The following ATXN7L1 variants were observed in gnomAD, a reference collection of about 807,000 sequenced individuals.
ATXN7L1 encodes the protein ataxin 7 like 1, also known as ataxin-7-like protein 1.
ATXN7L1 carries 15 observed loss-of-function variants against 70.8 expected under a neutral mutation model. That is an observed-to-expected ratio of 0.21 (90% CI 0.14 to 0.33). The LOEUF (loss-of-function observed/expected upper bound fraction) is 0.33. ATXN7L1 is among the 10% of genes least tolerant of loss of function. The pLI, the probability that ATXN7L1 is intolerant of heterozygous loss-of-function variation, is 1.00. For missense variants in ATXN7L1, 975 were observed against 1,097.1 expected (o/e 0.89, Z 1.57); for synonymous variants, 440 against 445.1 (o/e 0.99, Z 0.14).
intron 7 of ATXN7L1, among the ~76,000 whole-genome samples, chr7:105,625,076 C>T (rs1245834448): frequency 1.3e-5 from 2 of 152,116 alleles, no homozygotes; most frequent in African/African-American, 2.4e-5. Flanking sequence ...CCTATGCATA[C>T]GTTCTTTGAT....
intron 3 of ATXN7L1, among the ~76,000 whole-genome samples, chr7:105,672,323 C>G (rs539039413): frequency 1.6e-4 from 24 of 152,286 alleles, no homozygotes; most frequent in African/African-American, 5.5e-4. Flanking sequence ...ACTAGTTTCT[C>G]TTTTCTACAG....
At chr7:105,643,617 A>G (rs966645627) in intron 4 of ATXN7L1, among the ~76,000 whole-genome samples, 1 of 152,124 alleles carries the variant, frequency 6.6e-6, no homozygotes, top group Non-Finnish European at 1.5e-5. Context: ...ATCACACCAC[A>G]AGGAGGCATG....
intron 3 of ATXN7L1, among the ~76,000 whole-genome samples, chr7:105,720,513 A>G (rs1795067499): frequency 6.6e-6 from 1 of 151,920 alleles, no homozygotes; most frequent in Non-Finnish European, 1.5e-5. Flanking sequence ...CTGCCTCCCA[A>G]ACTCAAGTGA....
chr7:105,614,514 A>G lies in ATXN7L1; in HGVS notation c.1820T>C (p.Ile607Thr). The change falls in exon 10 of 12, where the codon ATA (isoleucine) becomes ACA (threonine). Residue 607 changes from isoleucine to threonine, a missense_variant. Transcript: ENST00000419735. The surrounding 1 kb of genome is among the most constrained non-coding windows in gnomAD (Gnocchi z 4.3). ...GGATGGGGAAGGGATGACGGCTGGT[A>G]TCGGGGACACGGCGGATGGGGCCTT... ...TFKAPSAVSPIPAVIPSPSHK... is the reference protein window; with the variant it reads ...TFKAPSAVSPTPAVIPSPSHK... 3.3e-6 allele frequency: 5 copies of G among 1,534,258 alleles called. No homozygotes were observed. Among genetic ancestry groups the G allele is most frequent in the Non-Finnish European group, 4.4e-6 (5 of 1,137,072 alleles).
chr7:105,716,665 G>GCACA (rs58217531), intron 3 of ATXN7L1, among the ~76,000 whole-genome samples: 1,451 of 125,504 alleles, frequency 0.012, 14 homozygotes, highest in South Asian at 0.018. Context: ...ACCTATCTCT[G>GCACA]CACACACACA....
chr7:105,835,530 G>A (rs889487429), intron 2 of ATXN7L1, among the ~76,000 whole-genome samples: 3 of 151,730 alleles, frequency 2.0e-5, no homozygotes, highest in African/African-American at 7.3e-5. Context: ...TTCAGACCAC[G>A]CACTTGAAAT....
chr7:105,641,210 C>CTTTT (rs1471887959), intron 5 of ATXN7L1, among the ~76,000 whole-genome samples: 33 of 60,638 alleles, frequency 5.4e-4, no homozygotes, highest in Non-Finnish European at 8.4e-4. Flanking sequence ...CTCTCTCTCT[C>CTTTT]TCTCTTTTTT....
chr7:105,686,452 G>A (rs1806195755), intron 3 of ATXN7L1, among the ~76,000 whole-genome samples: 1 of 152,172 alleles, frequency 6.6e-6, no homozygotes, highest in Non-Finnish European at 1.5e-5. Context: ...GGAGATGGAG[G>A]TTGCAGTGAG....
At chr7:105,619,516 ATATATATATATATATTTTTTTTTTTT>A (rs1794538159) in intron 9 of ATXN7L1, among the ~76,000 whole-genome samples, 1 of 24,078 alleles carries the variant, frequency 4.2e-5, no homozygotes, top group Admixed American at 4.8e-4. Context: ...ATATATATAT[ATATATATATATATATTTTTTTTTTTT>A]TTTTTTTTTT....
At chr7:105,869,456 G>T (rs1334569825) in intron 2 of ATXN7L1, among the ~76,000 whole-genome samples, 1 of 152,118 alleles carries the variant, frequency 6.6e-6, no homozygotes, top group African/African-American at 2.4e-5. Flanking sequence ...GGCTTCTCTG[G>T]CTTGGATTCT....
intron 3 of ATXN7L1, among the ~76,000 whole-genome samples, chr7:105,759,449 A>AGTGT (rs34887279): frequency 0.018 from 1,109 of 60,410 alleles, 15 homozygotes; most frequent in Admixed American, 0.028. Flanking sequence ...TTGGATAGTG[A>AGTGT]GTGTGTGTGT....
At chr7:105,694,112 A>T (rs934971332) in intron 3 of ATXN7L1, among the ~76,000 whole-genome samples, 4 of 149,980 alleles carry the variant, frequency 2.7e-5, no homozygotes, top group Non-Finnish European at 5.9e-5. Context: ...CAGTGGTGCC[A>T]TCTTGGCTCA....
intron 3 of ATXN7L1, among the ~76,000 whole-genome samples, chr7:105,684,212 G>A (rs917923116): frequency 6.6e-6 from 1 of 152,190 alleles, no homozygotes; most frequent in Non-Finnish European, 1.5e-5. Context: ...CCATGTCTGC[G>A]TTGTGGGAGT....
intron 3 of ATXN7L1, among the ~76,000 whole-genome samples, chr7:105,667,698 C>CAA (rs397890100): frequency 2.5e-3 from 119 of 46,826 alleles, no homozygotes; most frequent in African/African-American, 3.7e-3. Context: ...GACTCCGTCT[C>CAA]AAAAAAAAAA....
rs754904000 is a variant in ATXN7L1 at position 105,614,054 on chromosome 7, G to A, written c.2280C>T (p.Ala760=). Residue 760 remains alanine, a synonymous_variant, in exon 10 of 12, where the codon GCC becomes GCT. Transcript: ENST00000419735. This position sits in a 1 kb window ranked among gnomAD's most constrained non-coding sequence, Gnocchi z 4.3. The part of the protein sequence containing the change: ...LALHAGDLSL[A]SHNAVSSLPL... ...GCAGAGAAGACACAGCATTGTGTGA[G>A]GCCAGAGAGAGGTCCCCTGCGTGGA... 6.4e-7 allele frequency: 1 copy of A among 1,551,902 alleles called. No individual in the cohort carries two copies. Among genetic ancestry groups the A allele is most frequent in the South Asian group, 1.2e-5 (1 of 84,066 alleles).
In ATXN7L1 at chr7:105,641,212, C is replaced by CTT. The variant is rs1330033741; in HGVS notation, c.862+1625_862+1626insAA. ...CTGCCTTTTCTCTCTCTCTCTCTCT[C>CTT]TCTTTTTTTTTTTTTTTTTTTTTTT... On this transcript the variant is annotated intron_variant, in intron 5 of 11. Coordinates refer to ENST00000419735, the MANE Select transcript of ATXN7L1 (RefSeq NM_020725.2). Among the ~76,000 whole-genome samples, 79 of 64,008 alleles carry CTT rather than the reference C, an allele frequency of 1.2e-3. 3 individuals carry two copies. Among genetic ancestry groups the CTT allele is most frequent in the African/African-American group, 4.7e-3 (78 of 16,500 alleles). The allele number at this position is 64,008 out of a possible 152,430, so 42.0% of individuals were successfully genotyped here. A position where few individuals can be genotyped will look rare whatever the true frequency, so the allele number is the denominator to read the frequency against.
chr7:105,806,563 A>T (rs1807643226), intron 2 of ATXN7L1, among the ~76,000 whole-genome samples: 2 of 152,190 alleles, frequency 1.3e-5, no homozygotes, highest in South Asian at 4.1e-4. Flanking sequence ...CCAGAGAGAC[A>T]GAGTGGGGAC....
At chr7:105,671,397 G>A (rs1223349121) in intron 3 of ATXN7L1, among the ~76,000 whole-genome samples, 6 of 152,046 alleles carry the variant, frequency 3.9e-5, no homozygotes, top group East Asian at 3.8e-4. Flanking sequence ...TTTCCAGACC[G>A]TGTAACAGAA....
chr7:105,672,398 A>G (rs552864636), intron 3 of ATXN7L1, among the ~76,000 whole-genome samples: 70 of 152,366 alleles, frequency 4.6e-4, no homozygotes, highest in African/African-American at 1.7e-3. Context: ...AACTAACATT[A>G]TTCTGCATAT....
Sources: gnomAD v4.1 joint callset for allele counts (sites outside exome capture counted in the v4.1 genomes callset) on GRCh38, gnomAD v4.1.1 for gene constraint, Gnocchi (gnomAD v3.1) non-coding constraint, MANE v1.5 for transcripts, NCBI Gene and HGNC (gene_info 2026-07-23, HGNC 2026-07-21) for gene names.